The following WWC1 variants were observed in gnomAD, a reference collection of about 807,000 sequenced individuals.
The protein encoded by WWC1 is protein KIBRA.
WWC1 carries 55 observed loss-of-function variants against 138.4 expected under a neutral mutation model. The ratio of observed to expected loss-of-function variants is 0.40; its 90% CI spans 0.32 to 0.50. WWC1 has a LOEUF of 0.50. WWC1 is among the 20% of genes least tolerant of loss of function. The pLI is 0.72. For synonymous variants in WWC1, 524 were observed against 564.9 expected, an observed-to-expected ratio of 0.93 and a Z score of 1.03; for missense variants, 1,226 against 1,420.4, an observed-to-expected ratio of 0.86 and a Z score of 2.20.
intron 17 of WWC1, among the ~76,000 whole-genome samples, chr5:168,451,122 G>A (rs1240170707): frequency 6.6e-6 from 1 of 151,936 alleles, no homozygotes; most frequent in Non-Finnish European, 1.5e-5. Context: ...GGATTCAAGC[G>A]ATTCTCCTGT....
At chr5:168,364,192 A>T (rs1273880482) in intron 1 of WWC1, among the ~76,000 whole-genome samples, 1 of 152,054 alleles carries the variant, frequency 6.6e-6, no homozygotes, top group African/African-American at 2.4e-5. Context: ...ACCCACCTAC[A>T]GTTCTGGAAG....
At chr5:168,406,470 C>A in intron 6 of WWC1, 143 bp downstream of exon 6, 2 of 1,255,792 alleles carry the variant, frequency 1.6e-6, no homozygotes, top group Non-Finnish European at 2.2e-6. Context: ...GGTTCCATTT[C>A]ATAGAGGAGG....
rs986403523 is a variant in WWC1 at position 168,431,355 on chromosome 5, T to C, written c.2191T>C (p.Trp731Arg). Reference protein sequence around the residue: ...SDTLVFNEVFWVSMSYPALHQ... With the variant: ...SDTLVFNEVFRVSMSYPALHQ... ...CACTCTAGTGTTCAATGAGGTGTTCTGGGTATCCATGTCCTATCCAGCCCT... is the reference window on the plus strand; with the variant it reads ...CACTCTAGTGTTCAATGAGGTGTTCCGGGTATCCATGTCCTATCCAGCCCT... The change falls in exon 15 of 23, where the codon TGG (tryptophan) becomes CGG (arginine). Residue 731 changes from tryptophan to arginine, a missense_variant. Coordinates refer to ENST00000265293, the MANE Select transcript of WWC1 (RefSeq NM_015238.3). The C allele has an allele frequency of 6.2e-7, 1 of 1,614,174 alleles. No homozygotes were observed. The highest frequency in any genetic ancestry group is 1.7e-5 in the Admixed American group (1 of 60,028).
At position 168,472,249 on chromosome 5, in the gene WWC1, C is replaced by G. The variant is rs1362512600; in HGVS notation, c.*3232C>G. The G allele has an allele frequency of 6.6e-6, 1 of 152,242 alleles. No homozygotes were observed. The highest frequency in any genetic ancestry group is 1.5e-5 in the Non-Finnish European group (1 of 68,058). The allele number at this position is 152,242 out of a possible 1,614,324, so 9.4% of individuals were successfully genotyped here. A position where few individuals can be genotyped will look rare whatever the true frequency, so the allele number is the denominator to read the frequency against. On this transcript the variant is annotated 3_prime_UTR_variant, in exon 23 of 23. Transcript: ENST00000265293. ...ACGGTTCACCAGCAAACCACCAATA[C>G]ATTCCATTGTTTGCCTAGAGAGAAA...
chr5:168,423,878 C>G lies in WWC1; in HGVS notation c.1620C>G (p.Leu540=). ...SMTSLSPRSS[L]SSPSPPCSPL... is the part of the protein sequence containing the mutation. ...CCTCCCTATCCCCACGTTCCTCTCT[C>G]TCCTCCCCCTCCCCACCCTGTTCCC... Residue 540 remains leucine (L), a synonymous_variant, in exon 11 of 23, where the codon CTC becomes CTG. Transcript: ENST00000265293. 9.3e-6 allele frequency: 15 copies of G among 1,614,118 alleles called. No individual in the cohort carries two copies. The highest frequency in any genetic ancestry group is 1.2e-5 in the Non-Finnish European group (14 of 1,179,998).
At chr5:168,358,167 A>C (rs1169169711) in intron 1 of WWC1, among the ~76,000 whole-genome samples, 1 of 152,184 alleles carries the variant, frequency 6.6e-6, no homozygotes, top group Non-Finnish European at 1.5e-5. Context: ...GACCTGGGGA[A>C]ACAGTGTCAT....
intron 1 of WWC1, among the ~76,000 whole-genome samples, chr5:168,336,089 A>G (rs1773428702): frequency 6.6e-6 from 1 of 152,202 alleles, no homozygotes; most frequent in African/African-American, 2.4e-5. Context: ...GAACCCTGGT[A>G]TGCAAACCCC....
chr5:168,418,317 A>G (rs936574863), intron 9 of WWC1, among the ~76,000 whole-genome samples: 1 of 152,128 alleles, frequency 6.6e-6, no homozygotes, highest in African/African-American at 2.4e-5. Context: ...GCTGGTGTGC[A>G]GTCATGCAGG....
At chr5:168,298,912 C>T (rs917725869) in intron 1 of WWC1, among the ~76,000 whole-genome samples, 1 of 152,050 alleles carries the variant, frequency 6.6e-6, no homozygotes, top group Admixed American at 6.6e-5. Context: ...GGTGAAACCA[C>T]GTCTCTACTA....
At chr5:168,419,691 T>C (rs12653920) in intron 9 of WWC1, among the ~76,000 whole-genome samples, 65,912 of 152,038 alleles carry the variant, frequency 0.43, 15,748 homozygotes, top group East Asian at 0.77. Context: ...AGTAGACACA[T>C]GAGAGCAGCC....
At chr5:168,394,830 C>G (rs1274966759) in intron 3 of WWC1, among the ~76,000 whole-genome samples, 1 of 152,138 alleles carries the variant, frequency 6.6e-6, no homozygotes, top group Admixed American at 6.6e-5. Flanking sequence ...ATTGCTTGAG[C>G]GTGTTTCTTT....
intron 11 of WWC1, among the ~76,000 whole-genome samples, chr5:168,425,258 G>C (rs1037433255): frequency 6.6e-6 from 1 of 152,130 alleles, no homozygotes; most frequent in African/African-American, 2.4e-5. Context: ...GCCAACTCCT[G>C]GTGCTTGGGG....
At position 168,292,049 on chromosome 5, in the gene WWC1, A is replaced by C; in HGVS notation, c.-104A>C. The C allele has an allele frequency of 2.2e-6, 3 of 1,347,790 alleles. No homozygotes were observed. The highest frequency in any genetic ancestry group is 2.9e-6 in the Non-Finnish European group (3 of 1,046,438). The allele number at this position is 1,347,790 out of a possible 1,614,324, so 83.5% of individuals were successfully genotyped here. ...ATCTGCGGGCGCCACCCCCCGGATC[A>C]TGGTGCCTCGGCGGCCGCCCGGGCT... On this transcript the variant is annotated 5_prime_UTR_variant, in exon 1 of 23. The change abolishes an upstream ATG in the 5' untranslated region. Transcript: ENST00000265293. This position sits in a 1 kb window ranked among gnomAD's most constrained non-coding sequence, Gnocchi z 4.4.
intron 21 of WWC1, among the ~76,000 whole-genome samples, chr5:168,465,275 AC>A (rs1757164142): frequency 6.6e-6 from 1 of 152,192 alleles, no homozygotes; most frequent in African/African-American, 2.4e-5. Flanking sequence ...TACGTAGGGT[AC>A]CCAGTCTGTG....
chr5:168,367,175 A>G (rs933654066), intron 1 of WWC1, among the ~76,000 whole-genome samples: 2 of 152,036 alleles, frequency 1.3e-5, no homozygotes, highest in African/African-American at 4.8e-5. Context: ...GCACCAACAC[A>G]TAGATAACTG....
chr5:168,341,560 T>G lies in WWC1; in HGVS notation c.120-29864T>G, dbSNP rs577100575. Among the ~76,000 whole-genome samples the G allele has an allele frequency of 9.2e-5, 14 of 152,208 alleles. No individual in the cohort carries two copies. The South Asian group carries it at 2.7e-3, about 29-fold the overall frequency. ...CCCAAATTCCCATCCCTGCCTCTCA[T>G]TTTCAACATCAAAAGGCTGCTATGC... On this transcript the variant is annotated intron_variant, in intron 1 of 22. Coordinates refer to ENST00000265293, the MANE Select transcript of WWC1 (RefSeq NM_015238.3).
intron 1 of WWC1, among the ~76,000 whole-genome samples, chr5:168,328,396 C>T (rs1772748539): frequency 1.3e-5 from 2 of 152,138 alleles, no homozygotes; most frequent in Non-Finnish European, 2.9e-5. Flanking sequence ...CTTGGTTGAT[C>T]TTGACCAATA....
At position 168,348,299 on chromosome 5, in the gene WWC1, G is replaced by A. The variant is rs1581993618; in HGVS notation, c.120-23125G>A. ...AGGCTCAGGTAGGGTGAAGCTCAGG[G>A]AGACCCAAGCCCTCACCCTCACCCT... is the stretch of plus-strand genomic sequence containing the variant. On this transcript the variant is annotated intron_variant, in intron 1 of 22. Coordinates refer to ENST00000265293, the MANE Select transcript of WWC1 (RefSeq NM_015238.3). Among the ~76,000 whole-genome samples, 4 of 152,182 alleles carry A rather than the reference G, an allele frequency of 2.6e-5. No homozygotes were observed. In the East Asian group the frequency reaches 7.7e-4, roughly 29 times the overall value.
At chr5:168,327,401 T>C (rs1369676198) in intron 1 of WWC1, among the ~76,000 whole-genome samples, 2 of 152,360 alleles carry the variant, frequency 1.3e-5, no homozygotes, top group East Asian at 1.9e-4. Flanking sequence ...AGAGCAGGAA[T>C]GTTTATGATG....
Sources: gnomAD v4.1 joint callset for allele counts (sites outside exome capture counted in the v4.1 genomes callset) on GRCh38, gnomAD v4.1.1 for gene constraint, Gnocchi (gnomAD v3.1) non-coding constraint, MANE v1.5 for transcripts, NCBI Gene and HGNC (gene_info 2026-07-23, HGNC 2026-07-21) for gene names.